The following CAMTA1 variants were observed in gnomAD, a reference collection of about 807,000 sequenced individuals.
The protein encoded by CAMTA1 is calmodulin binding transcription activator 1, also known as calmodulin-binding transcription activator 1.
CAMTA1 carries 27 observed loss-of-function variants against 170.9 expected under a neutral mutation model. That is an observed-to-expected ratio of 0.16 (90% CI 0.12 to 0.22). The LOEUF (loss-of-function observed/expected upper bound fraction) is 0.22, where lower values mean the gene tolerates loss of function less well. Among genes scored for constraint, CAMTA1 ranks in the 10% least tolerant of loss-of-function variants. The pLI is 1.00. For synonymous variants in CAMTA1, 833 were observed against 891.5 expected (o/e 0.93, Z 1.17); for missense variants, 1,619 against 2,217.2 (o/e 0.73, Z 5.42).
At chr1:6,807,602 C>T (rs1644668727) in intron 1 of CAMTA1, among the ~76,000 whole-genome samples, 1 of 151,850 alleles carries the variant, frequency 6.6e-6, no homozygotes, top group South Asian at 2.1e-4. Flanking sequence ...TGCCTGTAGT[C>T]TCAGCTACTT....
intron 3 of CAMTA1, among the ~76,000 whole-genome samples, chr1:7,059,722 G>GGGAA (rs1707917361): frequency 6.6e-6 from 1 of 152,180 alleles, no homozygotes; most frequent in Non-Finnish European, 1.5e-5. Flanking sequence ...TTCTTCTTAG[G>GGGAA]GGAACTTTGT....
intron 4 of CAMTA1, among the ~76,000 whole-genome samples, chr1:7,111,172 T>C (rs1300824919): frequency 6.6e-6 from 1 of 152,232 alleles, no homozygotes; most frequent in East Asian, 1.9e-4. Context: ...AATGACCTTG[T>C]GATTACATTG....
chr1:7,483,495 G>A (rs1193876484), intron 6 of CAMTA1, among the ~76,000 whole-genome samples: 1 of 152,194 alleles, frequency 6.6e-6, no homozygotes, highest in Non-Finnish European at 1.5e-5. Flanking sequence ...TCAGATCGCA[G>A]CCAAAGCCAC....
chr1:6,932,873 A>G (rs1684646079), intron 3 of CAMTA1, among the ~76,000 whole-genome samples: 2 of 152,156 alleles, frequency 1.3e-5, no homozygotes, highest in East Asian at 1.9e-4. Flanking sequence ...AGTTCTTTAT[A>G]TATATTCTAG....
chr1:7,744,688 A>G, intron 16 of CAMTA1, 147 bp from the exon 17 acceptor site: 1 of 639,626 alleles, frequency 1.6e-6, no homozygotes, highest in East Asian at 2.7e-5. Context: ...ATAACCTTAA[A>G]ATGGTATTTC....
intron 5 of CAMTA1, among the ~76,000 whole-genome samples, chr1:7,423,865 G>A (rs2091726742): frequency 6.6e-6 from 1 of 152,110 alleles, no homozygotes; most frequent in African/African-American, 2.4e-5. Flanking sequence ...AATAAAGCAA[G>A]GTACGGGGCG....
chr1:7,040,311 G>A (rs192880672), intron 3 of CAMTA1, among the ~76,000 whole-genome samples: 1 of 152,266 alleles, frequency 6.6e-6, no homozygotes, highest in Non-Finnish European at 1.5e-5. Context: ...AATAATTTGT[G>A]TACTGTAAGT....
chr1:6,976,478 G>T (rs867088652), intron 3 of CAMTA1, among the ~76,000 whole-genome samples: 10 of 152,192 alleles, frequency 6.6e-5, no homozygotes, highest in Non-Finnish European at 1.5e-5. Flanking sequence ...GTGCAAGGGG[G>T]ACGTGGGAGA....
At chr1:7,657,826 T>C (rs993131924) in intron 7 of CAMTA1, among the ~76,000 whole-genome samples, 3 of 151,420 alleles carry the variant, frequency 2.0e-5, no homozygotes, top group Non-Finnish European at 4.4e-5. Flanking sequence ...GCCAAGACAG[T>C]AGGTAATTTG....
intron 6 of CAMTA1, among the ~76,000 whole-genome samples, chr1:7,625,258 G>A (rs553102104): frequency 6.6e-6 from 1 of 152,374 alleles, no homozygotes; most frequent in East Asian, 1.9e-4. Flanking sequence ...GGGGAAGGCA[G>A]TGAGGGGAGA....
At chr1:7,205,664 T>G (rs1407469129) in intron 4 of CAMTA1, among the ~76,000 whole-genome samples, 1 of 152,242 alleles carries the variant, frequency 6.6e-6, no homozygotes, top group East Asian at 1.9e-4. Flanking sequence ...TCAACCTTTT[T>G]GTGTCTTTGA....
chr1:7,036,922 T>C (rs955907809), intron 3 of CAMTA1, among the ~76,000 whole-genome samples: 1 of 152,224 alleles, frequency 6.6e-6, no homozygotes, highest in Admixed American at 6.5e-5. Flanking sequence ...TCGGGGTTAA[T>C]TGCGTGGAGG....
In CAMTA1 at chr1:7,077,743, G is replaced by A. The variant is rs74051109; in HGVS notation, c.235-13561G>A. On this transcript the variant is annotated intron_variant, in intron 3 of 22. Coordinates refer to ENST00000303635, the MANE Select transcript of CAMTA1 (RefSeq NM_015215.4). ...TTTCTGCAAGGAAACGTGGTTGCTC[G>A]GAGTTAGGTGGCTCTGCTGTACTTG... 5.9e-3 allele frequency among the ~76,000 whole-genome samples: 903 copies of A among 152,188 alleles called. 13 individuals carry two copies. Among genetic ancestry groups the A allele is most frequent in the African/African-American group, 0.02 (836 of 41,512 alleles).
At chr1:7,272,263 G>A (rs907924328) in intron 5 of CAMTA1, among the ~76,000 whole-genome samples, 12 of 152,124 alleles carry the variant, frequency 7.9e-5, no homozygotes, top group African/African-American at 2.2e-4. Context: ...CTAAATAAAT[G>A]AAAAGACATC....
chr1:7,616,304 A>G (rs924931191), intron 6 of CAMTA1, among the ~76,000 whole-genome samples: 46 of 152,284 alleles, frequency 3.0e-4, no homozygotes, highest in African/African-American at 1.1e-3. Context: ...GATGAATGTC[A>G]GCAGAACTTT....
chr1:7,391,579 A>G (rs1360582320), intron 5 of CAMTA1, among the ~76,000 whole-genome samples: 5 of 152,156 alleles, frequency 3.3e-5, no homozygotes, highest in Non-Finnish European at 5.9e-5. Context: ...GGTTTCCATC[A>G]GCTTGGTCCA....
chr1:7,074,097 T>C (rs565987641), intron 3 of CAMTA1, among the ~76,000 whole-genome samples: 4 of 152,026 alleles, frequency 2.6e-5, no homozygotes, highest in Non-Finnish European at 4.4e-5. Flanking sequence ...GTGTCCTGGG[T>C]TTTTGAAGGT....
At chr1:7,117,034 T>G (rs1021235093) in intron 4 of CAMTA1, among the ~76,000 whole-genome samples, 1 of 151,808 alleles carries the variant, frequency 6.6e-6, no homozygotes, top group African/African-American at 2.4e-5. Flanking sequence ...AGTGGCACAG[T>G]CTCGGCTCAC....
At chr1:6,845,161 G>T (rs1030076968) in intron 3 of CAMTA1, among the ~76,000 whole-genome samples, 2 of 152,132 alleles carry the variant, frequency 1.3e-5, no homozygotes, top group African/African-American at 4.8e-5. Flanking sequence ...AAGGAAAGCT[G>T]ATGAAAAAGT....
Sources: allele counts gnomAD v4.1 joint callset (sites outside exome capture counted in the v4.1 genomes callset), GRCh38; gene constraint gnomAD v4.1.1; transcripts MANE v1.5; gene names NCBI Gene and HGNC (gene_info 2026-07-23, HGNC 2026-07-21).